KIAA1328: variants seen among roughly 807,000 people sequenced by gnomAD.
KIAA1328 encodes protein hinderin.
In KIAA1328, 52 loss-of-function variants were observed where a neutral mutation model predicts 68.1. That is an observed-to-expected ratio of 0.76 (90% CI 0.61 to 0.96). The LOEUF (loss-of-function observed/expected upper bound fraction) is 0.96, where lower values mean the gene tolerates loss of function less well. Among genes scored for constraint, KIAA1328 ranks in the 40% least tolerant of loss-of-function variants. The pLI, the probability that KIAA1328 is intolerant of heterozygous loss-of-function variation, is 0.00. For missense variants in KIAA1328, 641 were observed against 677.6 expected, an observed-to-expected ratio of 0.95 and a Z score of 0.60; for synonymous variants, 232 against 239.4, an observed-to-expected ratio of 0.97 and a Z score of 0.28.
chr18:37,195,461 G>A (rs1466461775), intron 9 of KIAA1328, among the ~76,000 whole-genome samples: 2 of 152,144 alleles, frequency 1.3e-5, no homozygotes, highest in Admixed American at 1.3e-4. Context: ...TTACAGTTAA[G>A]TATTTAATCT....
intron 5 of KIAA1328, among the ~76,000 whole-genome samples, chr18:36,954,840 G>A (rs543950607): frequency 2.0e-5 from 3 of 151,182 alleles, no homozygotes; most frequent in Admixed American, 6.6e-5. Flanking sequence ...GATTACAGGC[G>A]CCCACCACCA....
chr18:36,936,828 C>G (rs977765679), intron 5 of KIAA1328, among the ~76,000 whole-genome samples: 7 of 152,064 alleles, frequency 4.6e-5, no homozygotes, highest in Admixed American at 1.3e-4. Flanking sequence ...GAGATGGTGT[C>G]TTATAGTGGT....
intron 4 of KIAA1328, among the ~76,000 whole-genome samples, chr18:36,854,909 T>C (rs764189448): frequency 6.6e-6 from 1 of 152,236 alleles, no homozygotes; most frequent in Non-Finnish European, 1.5e-5. Context: ...AATGGAATTA[T>C]ATAGTGTGAT....
chr18:36,913,035 C>A (rs2049519934), intron 5 of KIAA1328, among the ~76,000 whole-genome samples: 1 of 152,186 alleles, frequency 6.6e-6, no homozygotes, highest in African/African-American at 2.4e-5. Context: ...CAGGGCTCTG[C>A]CCTTTAGATC....
intron 8 of KIAA1328, among the ~76,000 whole-genome samples, chr18:37,164,803 G>T (rs1373753197): frequency 6.6e-6 from 1 of 151,978 alleles, no homozygotes; most frequent in Non-Finnish European, 1.5e-5. Flanking sequence ...ATATGGACGG[G>T]GAGGGTTCTA....
chr18:36,843,848 T>C (rs752511758), intron 3 of KIAA1328, among the ~76,000 whole-genome samples: 1 of 152,164 alleles, frequency 6.6e-6, no homozygotes, highest in Non-Finnish European at 1.5e-5. Context: ...CTAATCTTCG[T>C]ATACCCTTAA....
At chr18:37,188,525 A>T (rs943023465) in intron 9 of KIAA1328, among the ~76,000 whole-genome samples, 7 of 152,328 alleles carry the variant, frequency 4.6e-5, no homozygotes, top group Admixed American at 4.6e-4. Context: ...TCTGTGGCCA[A>T]TGGGAGAGTT....
intron 5 of KIAA1328, among the ~76,000 whole-genome samples, chr18:36,957,107 G>A (rs2051450643): frequency 6.6e-6 from 1 of 152,090 alleles, no homozygotes; most frequent in African/African-American, 2.4e-5. Context: ...TGAGAATAAT[G>A]GAGCAATTGG....
chr18:37,134,789 C>T (rs1377497568), intron 7 of KIAA1328, among the ~76,000 whole-genome samples: 1 of 152,116 alleles, frequency 6.6e-6, no homozygotes, highest in African/African-American at 2.4e-5. Context: ...GTTTGGGGTA[C>T]AAATGACCCT....
intron 8 of KIAA1328, among the ~76,000 whole-genome samples, chr18:37,170,094 C>A (rs2059471786): frequency 6.6e-6 from 1 of 152,198 alleles, no homozygotes; most frequent in Admixed American, 6.5e-5. Context: ...TCTACCCAGA[C>A]AATTGTATTA....
intron 5 of KIAA1328, among the ~76,000 whole-genome samples, chr18:36,924,354 A>G (rs1235097766): frequency 6.6e-6 from 1 of 152,138 alleles, no homozygotes; most frequent in Non-Finnish European, 1.5e-5. Flanking sequence ...GGACTAAGCT[A>G]TAATGAGGCA....
intron 8 of KIAA1328, among the ~76,000 whole-genome samples, chr18:37,169,112 A>C (rs2059445972): frequency 6.6e-6 from 1 of 151,688 alleles, no homozygotes; most frequent in Admixed American, 6.6e-5. Context: ...GAAATCAATT[A>C]GCCTAGTAAT....
chr18:36,913,275 T>C (rs2049529035), intron 5 of KIAA1328, among the ~76,000 whole-genome samples: 1 of 152,028 alleles, frequency 6.6e-6, no homozygotes, highest in African/African-American at 2.4e-5. Context: ...TCCCAGTGCT[T>C]TGAGAAGCCA....
chr18:37,152,784 A>G (rs767974099), intron 7 of KIAA1328, among the ~76,000 whole-genome samples: 1 of 152,206 alleles, frequency 6.6e-6, no homozygotes, highest in Non-Finnish European at 1.5e-5. Context: ...TAGAGAGGGT[A>G]AGAGAGTCCT....
At chr18:37,181,717 T>C (rs1414610113) in intron 9 of KIAA1328, among the ~76,000 whole-genome samples, 1 of 152,210 alleles carries the variant, frequency 6.6e-6, no homozygotes, top group African/African-American at 2.4e-5. Context: ...CAACAGCTTA[T>C]ATTTACTACT....
At chr18:37,126,683 AAT>A (rs1270909517) in intron 7 of KIAA1328, among the ~76,000 whole-genome samples, 8 of 152,294 alleles carry the variant, frequency 5.3e-5, no homozygotes, top group African/African-American at 1.9e-4. Context: ...CTCTCATGAA[AAT>A]AGACACAAAA....
chr18:37,184,710 C>T (rs910741190), intron 9 of KIAA1328, among the ~76,000 whole-genome samples: 5 of 152,162 alleles, frequency 3.3e-5, no homozygotes, highest in African/African-American at 1.2e-4. Flanking sequence ...TGAACCTTAC[C>T]CTTTGTTTAG....
Position 37,056,150 on chromosome 18 carries a change from G to A in KIAA1328, c.577-10740G>A, listed in dbSNP as rs117302043. On this transcript the variant is annotated intron_variant, in intron 6 of 9. Coordinates refer to ENST00000280020, the MANE Select transcript of KIAA1328 (RefSeq NM_020776.3). ...CAATTGTTTTTTGACATGTGAGAAC[G>A]TGAGAAAATCCTGGCTTATCATAAG... Among the ~76,000 whole-genome samples, 12 of 152,212 alleles carry A rather than the reference G, an allele frequency of 7.9e-5. 1 individual carries two copies. In the East Asian group the frequency reaches 1.9e-3, roughly 24 times the overall value.
chr18:37,131,776 G>C (rs2058528004), intron 7 of KIAA1328, among the ~76,000 whole-genome samples: 3 of 152,096 alleles, frequency 2.0e-5, no homozygotes, highest in Non-Finnish European at 2.9e-5. Context: ...TTAACATTAA[G>C]GTAGCATGAT....
Sources: gnomAD v4.1 joint callset for allele counts (sites outside exome capture counted in the v4.1 genomes callset) on GRCh38, gnomAD v4.1.1 for gene constraint, MANE v1.5 for transcripts, NCBI Gene and HGNC (gene_info 2026-07-23, HGNC 2026-07-21) for gene names.